TRERF1: variants seen among roughly 807,000 people sequenced by gnomAD.
TRERF1 encodes the protein transcriptional regulating factor 1, also known as transcriptional-regulating factor 1.
In TRERF1, 27 loss-of-function variants were observed where a neutral mutation model predicts 122.9. That is an observed-to-expected ratio of 0.22 (90% confidence interval 0.16 to 0.30). The LOEUF (loss-of-function observed/expected upper bound fraction) is 0.30, where lower values mean the gene tolerates loss of function less well. Ranked by LOEUF, TRERF1 falls within the 10% of genes least tolerant of loss-of-function variation. The pLI is 1.00. For synonymous variants in TRERF1, 636 were observed against 641.7 expected (o/e 0.99, Z 0.13); for missense variants, 1,248 against 1,560.3 (o/e 0.80, Z 3.37).
chr6:42,277,796 TTATACCACTGCATGCTAGCCC>T (rs1781419471), intron 4 of TRERF1, among the ~76,000 whole-genome samples: 2 of 151,336 alleles, frequency 1.3e-5, no homozygotes, highest in South Asian at 4.2e-4. Flanking sequence ...TGAGTGGTGA[TTATACCACTGCATGCTAGCCC>T]TATCTCAAAA....
rs1562091819 is a variant in TRERF1 at position 42,228,178 on chromosome 6, A to T, written c.*167T>A. The T allele has an allele frequency of 8.1e-6, 5 of 616,918 alleles. No individual in the cohort carries two copies. Among genetic ancestry groups the T allele is most frequent in the Non-Finnish European group, 1.0e-5 (4 of 394,706 alleles). 38.2% of individuals were successfully genotyped at this position (616,918 alleles called of 1,614,324 possible). On this transcript the variant is annotated 3_prime_UTR_variant, in exon 18 of 18. Coordinates refer to ENST00000372922, the Ensembl canonical transcript of TRERF1. The surrounding 1 kb of genome is among the most constrained non-coding windows in gnomAD (Gnocchi z 4.2). Reference sequence around the variant, plus strand: ...ACCCCCCACAAAAACAAATTTTTTTAAATAAAAGGAAAAGAAATAGGATTT... The same window carrying T: ...ACCCCCCACAAAAACAAATTTTTTTTAATAAAAGGAAAAGAAATAGGATTT...
At chr6:42,361,081 A>G (rs687173) in intron 3 of TRERF1, among the ~76,000 whole-genome samples, 39,296 of 152,086 alleles carry the variant, frequency 0.26, 8,529 homozygotes, top group African/African-American at 0.58. Context: ...AGTGTTAGGG[A>G]TGAAGCCTTT....
chr6:42,370,216 T>C (rs956844346), intron 2 of TRERF1, among the ~76,000 whole-genome samples: 3 of 152,104 alleles, frequency 2.0e-5, no homozygotes, highest in Non-Finnish European at 4.4e-5. Context: ...CATACACACA[T>C]ACACACAGCA....
intron 3 of TRERF1, among the ~76,000 whole-genome samples, chr6:42,315,904 C>G (rs1231735036): frequency 6.6e-6 from 1 of 152,052 alleles, no homozygotes; most frequent in Non-Finnish European, 1.5e-5. Context: ...GCTCTCCTTT[C>G]AGGGGAGAGG....
chr6:42,241,673 G>A (rs772554471), intron 15 of TRERF1, among the ~76,000 whole-genome samples: 2 of 152,054 alleles, frequency 1.3e-5, no homozygotes, highest in Non-Finnish European at 2.9e-5. Context: ...TGTTAGCCAG[G>A]CTGGTCTCGA....
In TRERF1 at chr6:42,228,555, C is replaced by T. The variant is rs755662837; in HGVS notation, c.3393G>A (p.Thr1131=). 2.2e-5 allele frequency: 36 copies of T among 1,614,096 alleles called. No individual in the cohort carries two copies. Among genetic ancestry groups the T allele is most frequent in the Admixed American group, 1.0e-4 (6 of 60,002 alleles). ...CCACGGGCCCCGTAGTCCTCTCAAT[C>T]GTGGCTGCCATCTCAGCTGCAAAAG... The change falls in exon 18 of 18, where the codon ACG becomes ACA. Residue 1131 remains threonine (T), a synonymous_variant. Coordinates refer to ENST00000372922, the Ensembl canonical transcript of TRERF1. This position sits in a 1 kb window ranked among gnomAD's most constrained non-coding sequence, Gnocchi z 4.2.
intron 2 of TRERF1, among the ~76,000 whole-genome samples, chr6:42,400,511 G>A (rs1256669452): frequency 6.6e-6 from 1 of 152,208 alleles, no homozygotes; most frequent in Non-Finnish European, 1.5e-5. Context: ...TGGGGATGCA[G>A]TTGCAAACAA....
At chr6:42,233,484 A>T (rs1009247061) in intron 16 of TRERF1, among the ~76,000 whole-genome samples, 2 of 151,470 alleles carry the variant, frequency 1.3e-5, no homozygotes, top group Non-Finnish European at 2.9e-5. Context: ...ACAGGGTTTC[A>T]CCGTGTTAGC....
At chr6:42,325,983 C>T (rs1006882218) in intron 3 of TRERF1, among the ~76,000 whole-genome samples, 2 of 152,116 alleles carry the variant, frequency 1.3e-5, no homozygotes, top group African/African-American at 2.4e-5. Flanking sequence ...GAGCTAAACA[C>T]GGGTACACAT....
At chr6:42,386,526 A>C (rs140110323) in intron 2 of TRERF1, among the ~76,000 whole-genome samples, 1 of 152,234 alleles carries the variant, frequency 6.6e-6, no homozygotes, top group South Asian at 2.1e-4. Context: ...TAGATAGAAA[A>C]GCAAGAAAAA....
chr6:42,424,099 T>C (rs1783252831), intron 2 of TRERF1, among the ~76,000 whole-genome samples: 1 of 152,252 alleles, frequency 6.6e-6, no homozygotes, highest in Non-Finnish European at 1.5e-5. Context: ...ATCTATCACA[T>C]GACAACAATG....
intron 17 of TRERF1, among the ~76,000 whole-genome samples, chr6:42,230,977 C>T (rs1770434402): frequency 6.6e-6 from 1 of 152,226 alleles, no homozygotes. Flanking sequence ...AAAAAAGAAG[C>T]TCCTAAAAGT....
intron 2 of TRERF1, among the ~76,000 whole-genome samples, chr6:42,446,640 T>C (rs1465643322): frequency 6.6e-6 from 1 of 152,094 alleles, no homozygotes; most frequent in Non-Finnish European, 1.5e-5. Context: ...GCCTGGCAAA[T>C]AGTAAGTCCT....
At chr6:42,301,599 A>G (rs1786217106) in intron 3 of TRERF1, among the ~76,000 whole-genome samples, 1 of 152,254 alleles carries the variant, frequency 6.6e-6, no homozygotes, top group African/African-American at 2.4e-5. Flanking sequence ...GTAAAAATGA[A>G]CTGCTAGAAA....
At chr6:42,255,045 G>A in intron 12 of TRERF1, 119 bp from the exon 13 acceptor site, 1 of 936,658 alleles carries the variant, frequency 1.1e-6, no homozygotes, top group Non-Finnish European at 1.7e-6. Context: ...CGGGGGCACT[G>A]GAAGGAAACC....
rs183823384 is a variant in TRERF1, at chr6:42,421,350, A to G, written c.-454+29827T>C. 3.3e-5 allele frequency among the ~76,000 whole-genome samples: 5 copies of G among 152,328 alleles called. No homozygotes were observed. In the East Asian group the frequency reaches 9.6e-4, roughly 29 times the overall value. The stretch of plus-strand genomic sequence containing the variant: ...ATGACCCAGCACATAAAATATCTCT[A>G]TATACACATAAATATATAAAACTAG... On this transcript the variant is annotated intron_variant, in intron 2 of 17. Transcript: ENST00000372922.
exon 7 of TRERF1, chr6:42,264,778 A>G (rs1228839824): frequency 6.2e-6 from 10 of 1,613,928 alleles, no homozygotes; most frequent in Non-Finnish European, 8.5e-6. Context: ...AGGTTCTTGA[A>G]CTCCTTCAGG....
At chr6:42,360,771 TAAAAAAAAAAAAAAA>T (rs55924002) in intron 3 of TRERF1, among the ~76,000 whole-genome samples, 65 of 36,452 alleles carry the variant, frequency 1.8e-3, no homozygotes, top group African/African-American at 6.0e-3. Flanking sequence ...GTGGAGAGAT[TAAAAAAAAAAAAAAA>T]AAAAAAAAAA....
chr6:42,386,399 C>T (rs541405827), intron 2 of TRERF1, among the ~76,000 whole-genome samples: 4 of 152,000 alleles, frequency 2.6e-5, no homozygotes, highest in East Asian at 3.9e-4. Flanking sequence ...GCCGAGATCA[C>T]GCCATTGCAT....
Sources: gnomAD v4.1 joint callset for allele counts (sites outside exome capture counted in the v4.1 genomes callset) on GRCh38, gnomAD v4.1.1 for gene constraint, Gnocchi (gnomAD v3.1) non-coding constraint, MANE v1.5 for transcripts, NCBI Gene and HGNC (gene_info 2026-07-23, HGNC 2026-07-21) for gene names.